The following BMERB1 variants were observed in gnomAD, a reference collection of about 807,000 sequenced individuals.
The protein encoded by BMERB1 is bMERB domain-containing protein 1.
Under a neutral mutation model 23.6 loss-of-function variants are expected in BMERB1, and 12 were observed. That is an observed-to-expected ratio of 0.51 (90% CI 0.33 to 0.82). The LOEUF (loss-of-function observed/expected upper bound fraction) is 0.82, where lower values mean the gene tolerates loss of function less well. Among genes scored for constraint, BMERB1 ranks in the 40% least tolerant of loss-of-function variants. The pLI, the probability that BMERB1 is intolerant of heterozygous loss-of-function variation, is 0.03. For missense variants in BMERB1, 247 were observed against 255.4 expected, an observed-to-expected ratio of 0.97 and a Z score of 0.22; for synonymous variants, 122 against 96.6, an observed-to-expected ratio of 1.26 and a Z score of -1.54.
At chr16:15,435,300 G>C (rs561162121) in intron 1 of BMERB1, among the ~76,000 whole-genome samples, 1 of 152,168 alleles carries the variant, frequency 6.6e-6, no homozygotes, top group Non-Finnish European at 1.5e-5. Flanking sequence ...GCGGCAAAAG[G>C]GTCAAAAGGC....
At chr16:15,477,142 G>T (rs2051281313) in intron 1 of BMERB1, among the ~76,000 whole-genome samples, 1 of 152,084 alleles carries the variant, frequency 6.6e-6, no homozygotes, top group Non-Finnish European at 1.5e-5. Context: ...AAAGAAAAGA[G>T]GTTCAGTTGA....
intron 1 of BMERB1, among the ~76,000 whole-genome samples, chr16:15,498,580 T>C (rs1567469915): frequency 8.9e-6 from 1 of 111,854 alleles, no homozygotes; most frequent in East Asian, 2.5e-4. Flanking sequence ...CAAAAGGAAA[T>C]GGGAAGGGAA....
chr16:15,434,621 G>A lies in BMERB1; in HGVS notation c.-33G>A. The A allele has an allele frequency of 6.3e-7, 1 of 1,587,810 alleles. No homozygotes were observed. The highest frequency in any genetic ancestry group is 8.6e-7 in the Non-Finnish European group (1 of 1,156,242). The stretch of plus-strand genomic sequence containing the variant: ...AGCCCGCAACGGGAATGGAGTAAAG[G>A]GAGACCCGTCGACCTGGCCACGGGG... On this transcript the variant is annotated 5_prime_UTR_variant, in exon 1 of 6. Transcript: ENST00000300006.
intron 1 of BMERB1, among the ~76,000 whole-genome samples, chr16:15,473,547 C>T (rs1216763876): frequency 6.6e-6 from 1 of 152,006 alleles, no homozygotes; most frequent in African/African-American, 2.4e-5. Flanking sequence ...CCCGCCTCAG[C>T]CTCCCAAAGT....
chr16:15,552,851 A>G (rs2030134191), intron 2 of BMERB1, among the ~76,000 whole-genome samples: 2 of 152,158 alleles, frequency 1.3e-5, no homozygotes, highest in Admixed American at 1.3e-4. Flanking sequence ...TTCTTCATTC[A>G]TGTAAGGTGA....
At chr16:15,560,952 CTTTT>C (rs1166759122) in intron 2 of BMERB1, among the ~76,000 whole-genome samples, 1 of 106,652 alleles carries the variant, frequency 9.4e-6, no homozygotes, top group African/African-American at 4.1e-5. Flanking sequence ...TTCTCTGCTG[CTTTT>C]TTTTTTTTTT....
intron 5 of BMERB1, among the ~76,000 whole-genome samples, chr16:15,584,848 C>A (rs1172081354): frequency 6.6e-6 from 1 of 152,150 alleles, no homozygotes; most frequent in Admixed American, 6.6e-5. Context: ...ATACATAAGT[C>A]TCAGGGAAAT....
intron 1 of BMERB1, among the ~76,000 whole-genome samples, chr16:15,483,006 GT>G (rs1377970290): frequency 6.6e-6 from 1 of 152,138 alleles, no homozygotes; most frequent in Non-Finnish European, 1.5e-5. Flanking sequence ...ACCCGCCAAA[GT>G]CAACCAACAT....
At chr16:15,512,418 G>A (rs2051679862) in intron 1 of BMERB1, among the ~76,000 whole-genome samples, 1 of 152,152 alleles carries the variant, frequency 6.6e-6, no homozygotes, top group South Asian at 2.1e-4. Context: ...AGGGCCCCAG[G>A]ACATAGAAGG....
At chr16:15,484,859 AC>A (rs2051354454) in intron 1 of BMERB1, among the ~76,000 whole-genome samples, 1 of 152,202 alleles carries the variant, frequency 6.6e-6, no homozygotes, top group Non-Finnish European at 1.5e-5. Flanking sequence ...GAAACCACTT[AC>A]CCATTGACCC....
intron 3 of BMERB1, among the ~76,000 whole-genome samples, chr16:15,571,540 G>A (rs903407076): frequency 6.6e-5 from 10 of 151,978 alleles, no homozygotes; most frequent in Non-Finnish European, 1.2e-4. Flanking sequence ...ATTTTTAGTA[G>A]AGGTGGGGTT....
chr16:15,486,156 C>T (rs1567465055), intron 1 of BMERB1, among the ~76,000 whole-genome samples: 3 of 144,796 alleles, frequency 2.1e-5, no homozygotes, highest in Admixed American at 7.3e-5. Context: ...GAGCCGAGAT[C>T]GTGCCACTAT....
intron 1 of BMERB1, among the ~76,000 whole-genome samples, chr16:15,506,109 T>G (rs141614127): frequency 6.6e-6 from 1 of 152,078 alleles, no homozygotes; most frequent in Middle Eastern, 3.2e-3. Context: ...CCCTTAGAAC[T>G]GATGTTTACG....
intron 3 of BMERB1, among the ~76,000 whole-genome samples, chr16:15,575,062 A>T (rs1161358389): frequency 1.3e-5 from 2 of 152,146 alleles, no homozygotes; most frequent in Non-Finnish European, 2.9e-5. Flanking sequence ...CTGGGCGACA[A>T]AGCAAGACTC....
chr16:15,532,986 G>C, intron 2 of BMERB1: 1 of 455,544 alleles, frequency 2.2e-6, no homozygotes, highest in Non-Finnish European at 4.4e-6. Flanking sequence ...GCCATTTATA[G>C]GCTGTGCAAT....
chr16:15,447,801 C>T, intron 1 of BMERB1: 4 of 452,952 alleles, frequency 8.8e-6, no homozygotes, highest in Non-Finnish European at 1.8e-5. Context: ...GATGGTTAAG[C>T]AGGACCACTA....
chr16:15,579,963 G>A (rs1201948941), intron 3 of BMERB1, among the ~76,000 whole-genome samples: 1 of 152,150 alleles, frequency 6.6e-6, no homozygotes, highest in Non-Finnish European at 1.5e-5. Flanking sequence ...GGATGTGCAG[G>A]TTTATTACAT....
intron 2 of BMERB1, among the ~76,000 whole-genome samples, chr16:15,522,431 CCACA>C (rs67864782): frequency 3.2e-4 from 48 of 149,120 alleles, no homozygotes; most frequent in South Asian, 1.1e-3. Context: ...GTGTTGAAAA[CCACA>C]CACACACACA....
intron 2 of BMERB1, among the ~76,000 whole-genome samples, chr16:15,567,610 A>G (rs1334775187): frequency 1.3e-5 from 2 of 152,120 alleles, no homozygotes; most frequent in African/African-American, 4.8e-5. Flanking sequence ...AAATACAAAA[A>G]AAGTTAGCTG....
Sources: allele counts gnomAD v4.1 joint callset (sites outside exome capture counted in the v4.1 genomes callset), GRCh38; gene constraint gnomAD v4.1.1; transcripts MANE v1.5; gene names NCBI Gene and HGNC (gene_info 2026-07-23, HGNC 2026-07-21).